The following CPAMD8 variants were observed in gnomAD, a reference collection of about 807,000 sequenced individuals.
CPAMD8 encodes C3 and PZP-like alpha-2-macroglobulin domain-containing protein 8.
Under a neutral mutation model 224.7 loss-of-function variants are expected in CPAMD8, and 146 were observed. The observed-to-expected ratio is 0.65, with a 90% confidence interval of 0.57 to 0.75. The LOEUF (loss-of-function observed/expected upper bound fraction) is 0.75. Ranked by LOEUF, CPAMD8 falls within the 30% of genes least tolerant of loss-of-function variation. The pLI is 0.00. For synonymous variants in CPAMD8, 966 were observed against 1,044.6 expected (o/e 0.92, Z 1.45); for missense variants, 2,301 against 2,537.5 (o/e 0.91, Z 2.00).
chr19:16,984,877 ACACT>A (rs1364748725), intron 13 of CPAMD8, among the ~76,000 whole-genome samples: 3 of 152,228 alleles, frequency 2.0e-5, no homozygotes, highest in Non-Finnish European at 2.9e-5. Context: ...GCATGCACAC[ACACT>A]CACACAAATG....
At chr19:16,910,225 A>G (rs928345026) in intron 29 of CPAMD8, among the ~76,000 whole-genome samples, 7 of 149,744 alleles carry the variant, frequency 4.7e-5, no homozygotes, top group African/African-American at 1.7e-4. Context: ...GCTGGAGTGC[A>G]ATGGCGTGAT....
chr19:17,002,274 C>A lies in CPAMD8; in HGVS notation c.750G>T (p.Val250=), dbSNP rs2056350957. The part of the protein sequence containing the change: ...QDLDACETGT[V]RARYTFGKPV... The stretch of plus-strand genomic sequence containing the variant: ...GGGTCCCTCTTTCTCACCTGGCCCG[C>A]ACAGTGCCTGTCTCACAGGCGTCCA... The change falls in exon 9 of 42, where the codon GTG becomes GTT. Residue 250 remains valine (V), a synonymous_variant. Transcript: ENST00000443236. The A allele has an allele frequency of 6.3e-7, 1 of 1,596,618 alleles. No individual in the cohort carries two copies. The highest frequency in any genetic ancestry group is 8.5e-7 in the Non-Finnish European group (1 of 1,169,618).
intron 22 of CPAMD8, among the ~76,000 whole-genome samples, chr19:16,941,657 G>A (rs952006154): frequency 6.6e-6 from 1 of 152,158 alleles, no homozygotes; most frequent in African/African-American, 2.4e-5. Context: ...TAATGGGTGA[G>A]TTCTCATGAG....
chr19:17,017,857 C>A (rs1442718742), intron 3 of CPAMD8, among the ~76,000 whole-genome samples: 1 of 151,934 alleles, frequency 6.6e-6, no homozygotes, highest in East Asian at 1.9e-4. Flanking sequence ...ATGATGAAAC[C>A]CCATCTCTAT....
At chr19:16,993,156 A>G (rs2056012513) in intron 12 of CPAMD8, among the ~76,000 whole-genome samples, 1 of 152,108 alleles carries the variant, frequency 6.6e-6, no homozygotes, top group African/African-American at 2.4e-5. Context: ...TGACTTCCCC[A>G]TGGTCAGGAG....
intron 13 of CPAMD8, among the ~76,000 whole-genome samples, chr19:16,987,179 A>AAAAAAAAAGT: frequency 1.9e-5 from 1 of 53,908 alleles, no homozygotes. Flanking sequence ...AAAAAAAAAA[A>AAAAAAAAAGT]ATATATATAT....
chr19:16,906,873 T>A, intron 30 of CPAMD8, 79 bp downstream of exon 30: 1 of 1,359,052 alleles, frequency 7.4e-7, no homozygotes, highest in Non-Finnish European at 1.0e-6. Context: ...TTGTGATAAA[T>A]ATGTTCATGA....
In CPAMD8 at chr19:16,920,360, T is replaced by G. The variant is rs551968534; in HGVS notation, c.3629+1545A>C. ...CCAGGCGTGGTGGCGGGCGCCTGTA[T>G]TCCCAGCTACTCGGGAGGCTGAGGC... On this transcript the variant is annotated intron_variant, in intron 27 of 41. Transcript: ENST00000443236. Among the ~76,000 whole-genome samples, 25 of 152,034 alleles carry G rather than the reference T, an allele frequency of 1.6e-4. No homozygotes were observed. The East Asian group carries it at 3.7e-3, about 22-fold the overall frequency.
intron 23 of CPAMD8, among the ~76,000 whole-genome samples, chr19:16,934,982 T>C (rs1048475866): frequency 6.6e-6 from 1 of 152,076 alleles, no homozygotes; most frequent in Non-Finnish European, 1.5e-5. Flanking sequence ...CCCTATTCCC[T>C]CCTCCCCCAG....
In CPAMD8 at chr19:16,997,005, C is replaced by T. The variant is rs577449246; in HGVS notation, c.1095+106G>A. On this transcript the variant is annotated intron_variant, in intron 11 of 41. Transcript: ENST00000443236. ...TCTCCACTCTCCGCAAAGGTTATGT[C>T]AGGGGATCCGTTTTCAGCTGAGTCA... The T allele has an allele frequency of 2.0e-4, 150 of 735,856 alleles. 1 individual carries two copies. The highest frequency in any genetic ancestry group is 1.1e-3 in the Admixed American group (55 of 48,090). 45.6% of individuals were successfully genotyped at this position (735,856 alleles called of 1,614,324 possible).
intron 11 of CPAMD8, among the ~76,000 whole-genome samples, chr19:16,996,701 C>T (rs2056133962): frequency 6.6e-6 from 1 of 151,716 alleles, no homozygotes; most frequent in Non-Finnish European, 1.5e-5. Flanking sequence ...TTCCTGTAAT[C>T]CCAGCTACTT....
intron 17 of CPAMD8, among the ~76,000 whole-genome samples, chr19:16,973,494 G>A (rs1331406006): frequency 3.3e-5 from 5 of 151,290 alleles, no homozygotes; most frequent in African/African-American, 4.9e-5. Flanking sequence ...GATTACAGGC[G>A]CCCACCACCA....
In CPAMD8 at chr19:16,985,247, T is replaced by C. The variant is rs146666851; in HGVS notation, c.1395+4396A>G. On this transcript the variant is annotated intron_variant, in intron 13 of 41. Coordinates refer to ENST00000443236, the MANE Select transcript of CPAMD8 (RefSeq NM_015692.5). Reference sequence around the variant, plus strand: ...ATGGATGGATGGATGAAGGGAGGGATAGAGGGAGAATGGATGAAGGGAGAG... The same window carrying C: ...ATGGATGGATGGATGAAGGGAGGGACAGAGGGAGAATGGATGAAGGGAGAG... Among the ~76,000 whole-genome samples the C allele has an allele frequency of 6.6e-3, 967 of 146,280 alleles. 5 individuals are homozygous for C. The highest frequency in any genetic ancestry group is 0.023 in the African/African-American group (920 of 39,544).
At chr19:16,979,218 A>G (rs909962578) in intron 14 of CPAMD8, among the ~76,000 whole-genome samples, 1 of 141,298 alleles carries the variant, frequency 7.1e-6, no homozygotes, top group Non-Finnish European at 1.5e-5. Flanking sequence ...CCCACCCACT[A>G]TCCATCCATC....
Position 16,909,530 on chromosome 19 carries a change from C to T in CPAMD8, c.3862-2413G>A, listed in dbSNP as rs779065319. 1.3e-4 allele frequency among the ~76,000 whole-genome samples: 20 copies of T among 151,904 alleles called. 1 individual carries two copies. Among genetic ancestry groups the T allele is most frequent in the Admixed American group, 9.2e-4 (14 of 15,260 alleles). The stretch of plus-strand genomic sequence containing the variant: ...CTGTACTCCAGCCTGGGCAACAGAG[C>T]GAGACTCCATCTCAAAAAGGGAAAA... On this transcript the variant is annotated intron_variant, in intron 29 of 41. Transcript: ENST00000443236.
chr19:16,944,650 C>T (rs947827500), intron 22 of CPAMD8, among the ~76,000 whole-genome samples: 2 of 152,180 alleles, frequency 1.3e-5, no homozygotes, highest in African/African-American at 2.4e-5. Flanking sequence ...TCACAGAGAT[C>T]TCGGTCCCCA....
intron 13 of CPAMD8, among the ~76,000 whole-genome samples, chr19:16,984,939 G>A (rs991151548): frequency 6.6e-6 from 1 of 152,184 alleles, no homozygotes; most frequent in African/African-American, 2.4e-5. Flanking sequence ...CAATCATGCA[G>A]TCACATATGC....
chr19:16,898,556 T>A lies in CPAMD8; in HGVS notation c.4849-562A>T, dbSNP rs1410036848. 6.6e-6 allele frequency among the ~76,000 whole-genome samples: 1 copy of A among 152,070 alleles called. No individual in the cohort carries two copies. Among genetic ancestry groups the A allele is most frequent in the African/African-American group, 2.4e-5 (1 of 41,400 alleles). ...TGTGCAATCATCACCTCTGTCTAGT[T>A]ACAGAACGGTTTCTTTCTCCCCCAA... On this transcript the variant is annotated intron_variant, in intron 37 of 41. Transcript: ENST00000443236. The surrounding 1 kb of genome is among the most constrained non-coding windows in gnomAD (Gnocchi z 4.2).
intron 27 of CPAMD8, among the ~76,000 whole-genome samples, chr19:16,915,460 C>G (rs933641361): frequency 6.6e-6 from 1 of 152,160 alleles, no homozygotes; most frequent in Non-Finnish European, 1.5e-5. Flanking sequence ...ATAGCACCTC[C>G]CCAGCCCTGC....
Sources: gnomAD v4.1 joint callset for allele counts (sites outside exome capture counted in the v4.1 genomes callset) on GRCh38, gnomAD v4.1.1 for gene constraint, Gnocchi (gnomAD v3.1) non-coding constraint, MANE v1.5 for transcripts, NCBI Gene and HGNC (gene_info 2026-07-23, HGNC 2026-07-21) for gene names.